FGGY: variants seen among roughly 807,000 people sequenced by gnomAD.
FGGY encodes FGGY carbohydrate kinase domain-containing protein.
Under a neutral mutation model 71.3 loss-of-function variants are expected in FGGY, and 72 were observed. The ratio of observed to expected loss-of-function variants is 1.01; its 90% confidence interval spans 0.84 to 1.23. The LOEUF (loss-of-function observed/expected upper bound fraction) is 1.23. Among genes scored for constraint, FGGY ranks in the 50% most tolerant of loss-of-function variants. FGGY has a pLI of 0.00. For missense variants in FGGY, 668 were observed against 682.3 expected (o/e 0.98, Z 0.23); for synonymous variants, 251 against 250.3 (o/e 1.00, Z -0.02).
rs780507277 is a variant in FGGY, at chr1:59,762,597, G to C, written c.*13G>C. 6 of 1,608,330 alleles carry C rather than the reference G, an allele frequency of 3.7e-6. No homozygotes were observed. The South Asian group carries it at 5.5e-5, about 15-fold the overall frequency. ...GAATGATGACTGAACAGGGCTTGCA[G>C]GTGCTGATGCCAGAAGCTTCTGTGC... On this transcript the variant is annotated 3_prime_UTR_variant, in exon 16 of 16. Coordinates refer to ENST00000303721, the MANE Select transcript of FGGY (RefSeq NM_018291.5).
chr1:59,525,799 G>A (rs976455434), intron 7 of FGGY, among the ~76,000 whole-genome samples: 2 of 152,114 alleles, frequency 1.3e-5, no homozygotes, highest in African/African-American at 4.8e-5. Context: ...TGTATTTATA[G>A]GTATATGTAA....
chr1:59,568,939 A>G (rs756639431), intron 8 of FGGY, among the ~76,000 whole-genome samples: 14 of 152,186 alleles, frequency 9.2e-5, no homozygotes, highest in Non-Finnish European at 1.3e-4. Flanking sequence ...GTAAACACCA[A>G]ATCACAAGTT....
At chr1:59,346,588 A>G (rs1181955942) in intron 4 of FGGY, among the ~76,000 whole-genome samples, 190 bp downstream of exon 4, 1 of 152,176 alleles carries the variant, frequency 6.6e-6, no homozygotes, top group Non-Finnish European at 1.5e-5. Flanking sequence ...TGCCTAACTC[A>G]TACTAGGCAC....
chr1:59,725,941 C>T (rs1174873876), intron 14 of FGGY, among the ~76,000 whole-genome samples: 3 of 152,032 alleles, frequency 2.0e-5, no homozygotes, highest in African/African-American at 7.2e-5. Flanking sequence ...CTAAGACTTC[C>T]AGTACAGTCT....
chr1:59,471,884 T>TA (rs1164501008), intron 6 of FGGY, among the ~76,000 whole-genome samples: 1 of 152,128 alleles, frequency 6.6e-6, no homozygotes, highest in African/African-American at 2.4e-5. Context: ...CTGGCACTGG[T>TA]GGTGGTATCA....
intron 4 of FGGY, among the ~76,000 whole-genome samples, chr1:59,346,623 C>A (rs911017403): frequency 1.3e-5 from 2 of 152,120 alleles, no homozygotes; most frequent in Admixed American, 1.3e-4. Context: ...TACACATTAT[C>A]TCTTTGAAGG....
chr1:59,563,951 A>G (rs1193786605), intron 8 of FGGY, among the ~76,000 whole-genome samples: 1 of 152,234 alleles, frequency 6.6e-6, no homozygotes, highest in African/African-American at 2.4e-5. Context: ...AAGATTCCCT[A>G]TTTAATAAAT....
intron 6 of FGGY, among the ~76,000 whole-genome samples, chr1:59,475,290 T>C (rs1358582194): frequency 1.3e-5 from 2 of 152,254 alleles, no homozygotes; most frequent in African/African-American, 4.8e-5. Flanking sequence ...ATTAAGGGTT[T>C]TCCTGAATTC....
intron 14 of FGGY, among the ~76,000 whole-genome samples, chr1:59,742,373 G>A (rs1489817957): frequency 6.6e-6 from 1 of 152,212 alleles, no homozygotes; most frequent in Non-Finnish European, 1.5e-5. Flanking sequence ...ATTTTGCAAA[G>A]TGGAGCACTC....
chr1:59,467,052 G>A (rs372784927), intron 6 of FGGY, among the ~76,000 whole-genome samples: 1 of 152,112 alleles, frequency 6.6e-6, no homozygotes, highest in Admixed American at 6.6e-5. Context: ...ACGCGTACAC[G>A]TATTTTTATT....
chr1:59,559,619 A>G (rs759372959), intron 8 of FGGY, among the ~76,000 whole-genome samples: 1 of 152,162 alleles, frequency 6.6e-6, no homozygotes, highest in Non-Finnish European at 1.5e-5. Flanking sequence ...AATACAAAGA[A>G]CCAGGACTCC....
chr1:59,626,855 A>C (rs78463733), intron 10 of FGGY: 1 of 145,846 alleles, frequency 6.9e-6, no homozygotes, highest in African/African-American at 2.5e-5. Flanking sequence ...ACTCCGTCTC[A>C]AAAAAAAAAA....
At chr1:59,697,717 C>T in intron 14 of FGGY, 1 of 1,301,326 alleles carries the variant, frequency 7.7e-7, no homozygotes, top group South Asian at 1.2e-5. Context: ...AGAAATCAGA[C>T]TCTCTTCTTC....
At chr1:59,623,788 T>C (rs1211933007) in intron 9 of FGGY, among the ~76,000 whole-genome samples, 1 of 152,184 alleles carries the variant, frequency 6.6e-6, no homozygotes, top group Non-Finnish European at 1.5e-5. Flanking sequence ...TATTTTTCAG[T>C]GTATCTCCGG....
intron 1 of FGGY, among the ~76,000 whole-genome samples, chr1:59,302,507 C>A (rs749168512): frequency 7.9e-5 from 12 of 152,112 alleles, no homozygotes; most frequent in Non-Finnish European, 1.5e-4. Context: ...ATGTCCTTTA[C>A]AGCAGCATGG....
intron 8 of FGGY, among the ~76,000 whole-genome samples, chr1:59,564,277 T>G (rs1486858844): frequency 6.6e-6 from 1 of 152,220 alleles, no homozygotes; most frequent in Non-Finnish European, 1.5e-5. Context: ...GAGAAAAATT[T>G]TGCAGTATCT....
At chr1:59,591,476 C>T (rs1328293108) in intron 8 of FGGY, among the ~76,000 whole-genome samples, 5 of 151,108 alleles carry the variant, frequency 3.3e-5, no homozygotes, top group Admixed American at 6.6e-5. Flanking sequence ...GAGCCCGCAT[C>T]GCCAAGTCAA....
intron 14 of FGGY, among the ~76,000 whole-genome samples, chr1:59,752,444 T>G (rs112675640): frequency 6.6e-6 from 1 of 152,184 alleles, no homozygotes; most frequent in African/African-American, 2.4e-5. Context: ...TGCCCTGTAG[T>G]ACCTTGGGCT....
At chr1:59,432,750 A>G (rs890271230) in intron 5 of FGGY, among the ~76,000 whole-genome samples, 1 of 152,172 alleles carries the variant, frequency 6.6e-6, no homozygotes, top group African/African-American at 2.4e-5. Context: ...CTCTAGTAGA[A>G]GCTGTAATAG....
Sources: allele counts gnomAD v4.1 joint callset (sites outside exome capture counted in the v4.1 genomes callset), GRCh38; gene constraint gnomAD v4.1.1; transcripts MANE v1.5; gene names NCBI Gene and HGNC (gene_info 2026-07-23, HGNC 2026-07-21).